Variants in SULT1C2 observed in about 807,000 individuals in gnomAD.
SULT1C2 encodes sulfotransferase 1C2.
In SULT1C2, 27 loss-of-function variants were observed where a neutral mutation model predicts 36.0. The ratio of observed to expected loss-of-function variants is 0.75; its 90% CI spans 0.55 to 1.03. The LOEUF (loss-of-function observed/expected upper bound fraction) is 1.03. Among genes scored for constraint, SULT1C2 ranks in the 50% least tolerant of loss-of-function variants. The pLI, the probability that SULT1C2 is intolerant of heterozygous loss-of-function variation, is 0.00. For missense variants in SULT1C2, 395 were observed against 359.2 expected, an observed-to-expected ratio of 1.10 and a Z score of -0.80; for synonymous variants, 121 against 116.0, an observed-to-expected ratio of 1.04 and a Z score of -0.27.
intron 3 of SULT1C2, among the ~76,000 whole-genome samples, chr2:108,296,808 G>A (rs1435113064): frequency 6.6e-6 from 1 of 152,172 alleles, no homozygotes; most frequent in Non-Finnish European, 1.5e-5. Context: ...GCATCACTGG[G>A]AGGAGACCAG....
intron 1 of SULT1C2, among the ~76,000 whole-genome samples, chr2:108,293,425 G>A (rs1676645008): frequency 6.6e-6 from 1 of 152,118 alleles, no homozygotes; most frequent in Non-Finnish European, 1.5e-5. Flanking sequence ...GTTGCCAGGA[G>A]CTGAGGGAGG....
At position 108,308,750 on chromosome 2, in the gene SULT1C2, A is replaced by T. The variant is rs1408118695; in HGVS notation, c.*286A>T. The T allele has an allele frequency of 3.3e-6, 1 of 305,270 alleles. No individual in the cohort carries two copies. Among genetic ancestry groups the T allele is most frequent in the African/African-American group, 2.2e-5 (1 of 46,264 alleles). The allele number at this position is 305,270 out of a possible 1,614,324, so 18.9% of individuals were successfully genotyped here. On this transcript the variant is annotated 3_prime_UTR_variant, in exon 8 of 8. Coordinates refer to ENST00000251481, the MANE Select transcript of SULT1C2 (RefSeq NM_001056.4). ...CAAAAGGATTGTTTTAATCCCCATTATTCTGGAAAGTGCATCCTAGTCTCC... is the reference window on the plus strand; with the variant it reads ...CAAAAGGATTGTTTTAATCCCCATTTTTCTGGAAAGTGCATCCTAGTCTCC...
intron 1 of SULT1C2, 134 bp downstream of exon 1, chr2:108,289,204 T>C (rs553870699): frequency 1.3e-5 from 2 of 152,614 alleles, no homozygotes; most frequent in African/African-American, 4.8e-5. Flanking sequence ...TAAAATAATA[T>C]AAAAGAGTTT....
In SULT1C2 at chr2:108,293,692, A is replaced by T. The variant is rs529380809; in HGVS notation, c.25A>T (p.Lys9Ter). 2 of 1,614,058 alleles carry T rather than the reference A, an allele frequency of 1.2e-6. No individual in the cohort carries two copies. Among genetic ancestry groups the T allele is most frequent in the Non-Finnish European group, 1.7e-6 (2 of 1,179,980 alleles). The change falls in exon 2 of 8, where the codon AAA becomes TAA. Residue 9 changes from lysine to a stop codon, truncating the protein, a stop_gained. Coordinates refer to ENST00000251481, the MANE Select transcript of SULT1C2 (RefSeq NM_001056.4). LOFTEE classifies it high-confidence loss of function. The stretch of plus-strand genomic sequence containing the variant: ...TATGGCCCTGACCTCAGACCTGGGG[A>T]AACAGATAAAACTGAAAGAGGTGGA... MALTSDLG[K>*]QIKLKEVEGT...
In SULT1C2 at chr2:108,293,644, T is replaced by C; in HGVS notation, c.-21-3T>C. On this transcript the variant is annotated splice_region_variant and splice_polypyrimidine_tract_variant and intron_variant, in intron 1 of 7. Coordinates refer to ENST00000251481, the MANE Select transcript of SULT1C2 (RefSeq NM_001056.4). ...AAAAATCTCCTCTATTCTTTTCCCA[T>C]AGGGACCCCAACCCTGAGACACTAT... 2 of 1,583,608 alleles carry C rather than the reference T, an allele frequency of 1.3e-6. No homozygotes were observed. Among genetic ancestry groups the C allele is most frequent in the Non-Finnish European group, 8.6e-7 (1 of 1,168,228 alleles).
chr2:108,300,756 A>G (rs758034509), intron 3 of SULT1C2, 82 bp from the exon 4 acceptor site: 1 of 1,544,510 alleles, frequency 6.5e-7, no homozygotes, highest in South Asian at 1.2e-5. Context: ...GGGTGATGGG[A>G]TGTCCTGGAC....
intron 3 of SULT1C2, among the ~76,000 whole-genome samples, chr2:108,294,955 T>C (rs1407665907): frequency 2.0e-5 from 3 of 152,222 alleles, no homozygotes. Flanking sequence ...TGGAACTATT[T>C]TGCAAAACAA....
At chr2:108,290,896 A>C (rs11898358) in intron 1 of SULT1C2, among the ~76,000 whole-genome samples, 2,103 of 152,364 alleles carry the variant, frequency 0.014, 49 homozygotes, top group African/African-American at 0.048. Flanking sequence ...GTTCATAACT[A>C]TGTATAAACA....
At chr2:108,290,087 G>T (rs548270485) in intron 1 of SULT1C2, among the ~76,000 whole-genome samples, 2 of 152,258 alleles carry the variant, frequency 1.3e-5, no homozygotes, top group East Asian at 3.9e-4. Context: ...TATTCTCAGG[G>T]CATTAGTTCA....
In SULT1C2 at chr2:108,305,525, T is replaced by A. The variant is rs1677001439; in HGVS notation, c.708T>A (p.Asn236Lys). The change falls in exon 7 of 8, where the codon AAT becomes AAA. Residue 236 changes from asparagine to lysine, a missense_variant. Transcript: ENST00000251481. ...QETSFEKMKE[N>K]PMTNRSTVSK... ...CGTCATTTGAGAAAATGAAAGAAAATCCCATGACAAATCGTTCTACAGTTT... is the reference window on the plus strand; with the variant it reads ...CGTCATTTGAGAAAATGAAAGAAAAACCCATGACAAATCGTTCTACAGTTT... The A allele has an allele frequency of 1.2e-6, 2 of 1,613,906 alleles. No individual in the cohort carries two copies. Among genetic ancestry groups the A allele is most frequent in the African/African-American group, 2.7e-5 (2 of 74,842 alleles).
At chr2:108,294,101 C>G (rs1676663630) in intron 2 of SULT1C2, 128 bp from the exon 3 acceptor site, 2 of 1,498,150 alleles carry the variant, frequency 1.3e-6, no homozygotes, top group Non-Finnish European at 1.8e-6. Context: ...TCATGGCAAA[C>G]AGGATTCTGA....
At position 108,309,810 on chromosome 2, in the gene SULT1C2, G is replaced by A. The variant is rs1677112893; in HGVS notation, c.*1346G>A. On this transcript the variant is annotated 3_prime_UTR_variant, in exon 8 of 8. Transcript: ENST00000251481. Reference sequence around the variant, plus strand: ...AAAAGAAAAACTCTTATTGGCCTAAGTTCTAAATAATAGCTAGGTTACCAC... The same window carrying A: ...AAAAGAAAAACTCTTATTGGCCTAAATTCTAAATAATAGCTAGGTTACCAC... The A allele has an allele frequency of 6.6e-6, 1 of 151,946 alleles. No homozygotes were observed. Among genetic ancestry groups the A allele is most frequent in the African/African-American group, 2.4e-5 (1 of 41,390 alleles). The allele number at this position is 151,946 out of a possible 1,614,324, so 9.4% of individuals were successfully genotyped here. A position where few individuals can be genotyped will look rare whatever the true frequency, so the allele number is the denominator to read the frequency against.
At chr2:108,306,184 G>A (rs1053796440) in intron 7 of SULT1C2, among the ~76,000 whole-genome samples, 1 of 152,212 alleles carries the variant, frequency 6.6e-6, no homozygotes, top group Non-Finnish European at 1.5e-5. Context: ...CTACTGTTGA[G>A]AACTGCCTCA....
In SULT1C2 at chr2:108,293,763, C is replaced by T; in HGVS notation, c.96C>T (p.Ile32=). Residue 32 remains isoleucine, a synonymous_variant, in exon 2 of 8, where the codon ATC becomes ATT. Coordinates refer to ENST00000251481, the MANE Select transcript of SULT1C2 (RefSeq NM_001056.4). ...QPATVDNWSQ[I]QSFEAKPDDL... ...CAACTGTGGACAACTGGAGCCAGAT[C>T]CAGAGCTTCGAGGCCAAACCAGATG... 1 of 1,614,122 alleles carries T rather than the reference C, an allele frequency of 6.2e-7. No individual in the cohort carries two copies. The highest frequency in any genetic ancestry group is 8.5e-7 in the Non-Finnish European group (1 of 1,180,008).
intron 4 of SULT1C2, chr2:108,303,022 T>TA (rs1164593617): frequency 2.0e-5 from 3 of 152,158 alleles, no homozygotes; most frequent in Admixed American, 1.3e-4. Context: ...AAACTGAGCA[T>TA]AAAAAATTTA....
chr2:108,296,450 G>A (rs955659826), intron 3 of SULT1C2, among the ~76,000 whole-genome samples: 4 of 91,810 alleles, frequency 4.4e-5, no homozygotes, highest in South Asian at 3.0e-4. Flanking sequence ...TGCAGTGGTC[G>A]TTTGTTTGGT....
At position 108,308,530 on chromosome 2, in the gene SULT1C2, C is replaced by A; in HGVS notation, c.*66C>A. ...CAAATACTATCTTCAATCCTTCAGT[C>A]CCAGCCAGAAGAATCTCTGAAAGCA... On this transcript the variant is annotated 3_prime_UTR_variant, in exon 8 of 8. Coordinates refer to ENST00000251481, the MANE Select transcript of SULT1C2 (RefSeq NM_001056.4). The A allele has an allele frequency of 7.6e-7, 1 of 1,314,410 alleles. No homozygotes were observed. Among genetic ancestry groups the A allele is most frequent in the Non-Finnish European group, 1.1e-6 (1 of 948,316 alleles). The allele number at this position is 1,314,410 out of a possible 1,614,324, so 81.4% of individuals were successfully genotyped here. A position where few individuals can be genotyped will look rare whatever the true frequency, so the allele number is the denominator to read the frequency against.
intron 4 of SULT1C2, chr2:108,301,731 C>G (rs570055484): frequency 1.1e-4 from 16 of 152,332 alleles, no homozygotes; most frequent in African/African-American, 3.6e-4. Context: ...CTAATAAGTT[C>G]CTGGCACATA....
At chr2:108,291,461 G>A (rs1418340460) in intron 1 of SULT1C2, among the ~76,000 whole-genome samples, 1 of 151,906 alleles carries the variant, frequency 6.6e-6, no homozygotes, top group African/African-American at 2.4e-5. Flanking sequence ...ACATCTTTAG[G>A]GCCATTATTC....
Sources: gnomAD v4.1 joint callset for allele counts (sites outside exome capture counted in the v4.1 genomes callset) on GRCh38, gnomAD v4.1.1 for gene constraint, MANE v1.5 for transcripts, NCBI Gene and HGNC (gene_info 2026-07-23, HGNC 2026-07-21) for gene names.